Variants in RBM39 observed in about 807,000 individuals in gnomAD.
The protein encoded by RBM39 is RNA-binding protein 39.
In RBM39, 12 loss-of-function variants were observed where a neutral mutation model predicts 79.6. The observed-to-expected ratio is 0.15, with a 90% confidence interval of 0.10 to 0.24. RBM39 has a LOEUF of 0.24. RBM39 is among the 10% of genes least tolerant of loss of function. The pLI, the probability that RBM39 is intolerant of heterozygous loss-of-function variation, is 1.00. For synonymous variants in RBM39, 185 were observed against 208.4 expected, an observed-to-expected ratio of 0.89 and a Z score of 0.97; for missense variants, 243 against 653.4, an observed-to-expected ratio of 0.37 and a Z score of 6.85.
intron 6 of RBM39, among the ~76,000 whole-genome samples, chr20:35,728,393 G>A (rs904319922): frequency 6.6e-6 from 1 of 152,072 alleles, no homozygotes; most frequent in Non-Finnish European, 1.5e-5. Context: ...AAACGTAACT[G>A]TATTACCCAT....
chr20:35,733,041 G>A (rs2039535561), intron 3 of RBM39, among the ~76,000 whole-genome samples: 2 of 152,032 alleles, frequency 1.3e-5, no homozygotes, highest in Non-Finnish European at 2.9e-5. Flanking sequence ...AGTGGCTCAC[G>A]CCTGTAATCC....
chr20:35,737,389 C>CAA (rs58047560), intron 3 of RBM39, among the ~76,000 whole-genome samples: 11 of 62,232 alleles, frequency 1.8e-4, no homozygotes, highest in Non-Finnish European at 3.6e-4. Flanking sequence ...AACTCCATCT[C>CAA]AAAAAAAAAA....
rs757995188 is a variant in RBM39 at position 35,707,203 on chromosome 20, T to TA, written c.1226-3dup. 4 of 1,600,248 alleles carry TA rather than the reference T, an allele frequency of 2.5e-6. No individual in the cohort carries two copies. The highest frequency in any genetic ancestry group is 2.2e-5 in the South Asian group (2 of 89,764). On this transcript the variant is annotated splice_region_variant and splice_polypyrimidine_tract_variant and intron_variant, in intron 13 of 16. Transcript: ENST00000253363. ...AGGCAGCTGCAGCTAAAGCTGAAGC[T>TA]AAAAAAAGAAAGAGAAAAATTAGTT...
At position 35,702,197 on chromosome 20, in the gene RBM39, T is replaced by A. The variant is rs2035315564; in HGVS notation, c.*2284A>T. 6.6e-6 allele frequency: 1 copy of A among 152,184 alleles called. No individual in the cohort carries two copies. Among genetic ancestry groups the A allele is most frequent in the African/African-American group, 2.4e-5 (1 of 41,432 alleles). The allele number at this position is 152,184 out of a possible 1,614,324, so 9.4% of individuals were successfully genotyped here. ...CAGAACTTTCAAAGATGGTAGTAAT[T>A]ATTATAAAGATAAAAGAAAACTAGA... On this transcript the variant is annotated 3_prime_UTR_variant, in exon 17 of 17. Coordinates refer to ENST00000253363, the MANE Select transcript of RBM39 (RefSeq NM_184234.3).
At chr20:35,726,532 T>C (rs6060584) in intron 6 of RBM39, among the ~76,000 whole-genome samples, 224 of 152,322 alleles carry the variant, frequency 1.5e-3, no homozygotes, top group African/African-American at 5.0e-3. Flanking sequence ...GCCAGACTGA[T>C]CCAAAATCAG....
At chr20:35,717,131 T>C (rs569828826) in intron 9 of RBM39, among the ~76,000 whole-genome samples, 1 of 151,902 alleles carries the variant, frequency 6.6e-6, no homozygotes, top group African/African-American at 2.4e-5. Context: ...AATACAAAAA[T>C]TGTCTGGGCT....
intron 4 of RBM39, among the ~76,000 whole-genome samples, chr20:35,730,081 T>C (rs745844742): frequency 3.9e-5 from 6 of 152,194 alleles, no homozygotes; most frequent in Non-Finnish European, 8.8e-5. Flanking sequence ...CATTCACCAG[T>C]AACTCTTAAG....
chr20:35,722,689 T>C (rs760270666), intron 8 of RBM39, among the ~76,000 whole-genome samples: 7 of 151,800 alleles, frequency 4.6e-5, no homozygotes, highest in Non-Finnish European at 1.0e-4. Flanking sequence ...ATCCTAGCAC[T>C]TTGGGAGGCC....
At chr20:35,706,919 C>A (rs550655153) in intron 14 of RBM39, among the ~76,000 whole-genome samples, 1 of 148,426 alleles carries the variant, frequency 6.7e-6, no homozygotes, top group East Asian at 2.1e-4. Flanking sequence ...CCCAGCCACT[C>A]GGAAGGCTGA....
intron 11 of RBM39, 100 bp downstream of exon 11, chr20:35,714,085 A>G (rs923666721): frequency 3.3e-6 from 4 of 1,224,216 alleles, no homozygotes; most frequent in Admixed American, 4.1e-5. Context: ...CAACTACAAA[A>G]TAAGATAAAA....
rs2035388818 is a variant in RBM39 at position 35,703,453 on chromosome 20, TAG to T, written c.*1026_*1027del. The T allele has an allele frequency of 6.6e-6, 1 of 152,178 alleles. No homozygotes were observed. The highest frequency in any genetic ancestry group is 6.5e-5 in the Admixed American group (1 of 15,288). The allele number at this position is 152,178 out of a possible 1,614,324, so 9.4% of individuals were successfully genotyped here. ...TAAAATACACAGGGCTAGACTCTAA[TAG>T]AATAAAGGAATTCATGGGGGACAAC... On this transcript the variant is annotated 3_prime_UTR_variant, in exon 17 of 17. Coordinates refer to ENST00000253363, the MANE Select transcript of RBM39 (RefSeq NM_184234.3).
At chr20:35,714,883 C>T (rs2036908825) in intron 10 of RBM39, among the ~76,000 whole-genome samples, 1 of 152,040 alleles carries the variant, frequency 6.6e-6, no homozygotes, top group South Asian at 2.1e-4. Context: ...TTTTGGTTTA[C>T]ACATATACCC....
intron 4 of RBM39, 54 bp from the exon 5 acceptor site, chr20:35,729,581 T>C: frequency 2.7e-6 from 4 of 1,491,794 alleles, no homozygotes; most frequent in Non-Finnish European, 3.7e-6. Flanking sequence ...CTTGCTAAGA[T>C]CGCATTCATG....
intron 12 of RBM39, 175 bp from the exon 13 acceptor site, chr20:35,709,449 C>T: frequency 5.4e-6 from 3 of 558,750 alleles, no homozygotes; most frequent in Non-Finnish European, 9.3e-6. Context: ...TTTTTTCCCC[C>T]TCTTATCCTG....
intron 9 of RBM39, among the ~76,000 whole-genome samples, chr20:35,719,328 G>A (rs1229745625): frequency 6.6e-6 from 1 of 152,132 alleles, no homozygotes; most frequent in African/African-American, 2.4e-5. Context: ...CACTGTGCCT[G>A]GCCCATACTC....
chr20:35,734,870 A>G (rs1209738128), intron 3 of RBM39: 1 of 1,503,790 alleles, frequency 6.6e-7, no homozygotes, highest in Non-Finnish European at 8.8e-7. Context: ...CGAAATCCAC[A>G]CTAATAGTCA....
chr20:35,705,168 G>C (rs759227286), intron 15 of RBM39, 57 bp downstream of exon 15: 7 of 1,027,974 alleles, frequency 6.8e-6, no homozygotes, highest in African/African-American at 1.7e-5. Context: ...CATAATGTGC[G>C]AAGATTAAGG....
Position 35,724,578 on chromosome 20 carries a change from C to A in RBM39, c.679G>T (p.Ala227Ser). 6.2e-7 allele frequency: 1 copy of A among 1,613,614 alleles called. No homozygotes were observed. Among genetic ancestry groups the A allele is most frequent in the Non-Finnish European group, 8.5e-7 (1 of 1,179,876 alleles). Residue 227 changes from alanine to serine, a missense_variant, in exon 8 of 17, where the codon GCA becomes TCA. Physicochemically the swap from Ala to Ser is moderately conservative, Grantham distance 99 (BLOSUM62 1). Around this residue, in one of 4 missense-constraint regions of RBM39, gnomAD observed 61 missense variants for 322.9 expected, o/e 0.19. Coordinates refer to ENST00000253363, the MANE Select transcript of RBM39 (RefSeq NM_184234.3). ...ACCAACAAAAAAATTACCTGTGATG[C>A]CTGTACTATGATTGGCACGCCTAAA... is the stretch of plus-strand genomic sequence containing the variant. ...RVLGVPIIVQ[A>S]SQAEKNRAAA... is the part of the protein sequence containing the mutation.
intron 4 of RBM39, 61 bp from the exon 5 acceptor site, chr20:35,729,588 C>T (rs2039143269): frequency 7.0e-7 from 1 of 1,420,558 alleles, no homozygotes; most frequent in Non-Finnish European, 9.9e-7. Flanking sequence ...AGATCGCATT[C>T]ATGCGCTCTC....
Sources: gnomAD v4.1 joint callset for allele counts (sites outside exome capture counted in the v4.1 genomes callset) on GRCh38, gnomAD v4.1.1 for gene constraint, gnomAD v4.1.1 regional missense constraint, MANE v1.5 for transcripts, NCBI Gene and HGNC (gene_info 2026-07-23, HGNC 2026-07-21) for gene names.